Variants in RYK observed in about 807,000 individuals in gnomAD.
RYK encodes the protein inactive tyrosine-protein kinase RYK.
Under a neutral mutation model 70.2 loss-of-function variants are expected in RYK, and 21 were observed. That is an observed-to-expected ratio of 0.30 (90% CI 0.21 to 0.43). RYK has a LOEUF of 0.43. Among genes scored for constraint, RYK ranks in the 20% least tolerant of loss-of-function variants. RYK has a pLI of 1.00. For missense variants in RYK, 604 were observed against 753.3 expected, an observed-to-expected ratio of 0.80 and a Z score of 2.32; for synonymous variants, 267 against 278.0, an observed-to-expected ratio of 0.96 and a Z score of 0.39.
At chr3:134,192,080 G>T in intron 7 of RYK, 106 bp from the exon 8 acceptor site, 2 of 1,078,242 alleles carry the variant, frequency 1.9e-6, no homozygotes, top group Non-Finnish European at 1.3e-6. Context: ...AGGAATGAGT[G>T]TAAGAATCAT....
intron 1 of RYK, among the ~76,000 whole-genome samples, chr3:134,239,512 T>C (rs959751302): frequency 9.9e-5 from 15 of 152,242 alleles, no homozygotes; most frequent in Non-Finnish European, 1.3e-4. Context: ...AATTAACATA[T>C]GTAAACTTCC....
chr3:134,160,133 T>C (rs766424305), intron 13 of RYK, among the ~76,000 whole-genome samples: 2 of 152,162 alleles, frequency 1.3e-5, no homozygotes, highest in Non-Finnish European at 2.9e-5. Context: ...ACAACTGAAC[T>C]TGGATGAGGA....
At chr3:134,206,273 A>G (rs770392676) in intron 5 of RYK, among the ~76,000 whole-genome samples, 2 of 152,180 alleles carry the variant, frequency 1.3e-5, no homozygotes, top group Non-Finnish European at 2.9e-5. Context: ...TTCTTACCAA[A>G]AGAGTTGGTT....
intron 1 of RYK, among the ~76,000 whole-genome samples, chr3:134,225,362 T>C (rs1644745843): frequency 6.6e-6 from 1 of 152,030 alleles, no homozygotes; most frequent in Admixed American, 6.6e-5. Context: ...GGACTCAAGT[T>C]GAAAGGATTT....
At chr3:134,193,549 G>A (rs965267442) in intron 7 of RYK, among the ~76,000 whole-genome samples, 5 of 152,106 alleles carry the variant, frequency 3.3e-5, no homozygotes, top group Admixed American at 2.6e-4. Flanking sequence ...TTGAGGTCAC[G>A]TATAACAATT....
At chr3:134,239,635 TGTAA>T (rs758735443) in intron 1 of RYK, among the ~76,000 whole-genome samples, 16 of 152,330 alleles carry the variant, frequency 1.1e-4, no homozygotes, top group Middle Eastern at 6.8e-3. Context: ...TGAATTTTTT[TGTAA>T]GTATGATTCA....
intron 13 of RYK, among the ~76,000 whole-genome samples, chr3:134,172,474 GAATA>G (rs2012951378): frequency 6.6e-6 from 1 of 152,190 alleles, no homozygotes; most frequent in African/African-American, 2.4e-5. Flanking sequence ...CAGAATTTCT[GAATA>G]AAGATTTGGC....
At chr3:134,213,129 G>A (rs1216588334) in intron 2 of RYK, among the ~76,000 whole-genome samples, 1 of 152,120 alleles carries the variant, frequency 6.6e-6, no homozygotes, top group Non-Finnish European at 1.5e-5. Context: ...TTTGGGCAGG[G>A]AATGAGCAAG....
chr3:134,179,933 T>C (rs1362122049), intron 10 of RYK: 1 of 152,172 alleles, frequency 6.6e-6, no homozygotes, highest in African/African-American at 2.4e-5. Context: ...ACAAACTTCA[T>C]GAAAATGTTT....
At chr3:134,166,239 CA>C (rs769775878) in intron 13 of RYK, among the ~76,000 whole-genome samples, 4 of 152,060 alleles carry the variant, frequency 2.6e-5, no homozygotes, top group South Asian at 4.1e-4. Flanking sequence ...TAAAAGAGAC[CA>C]CCAGAGAGCT....
At chr3:134,221,567 C>G (rs1195525180) in intron 2 of RYK, among the ~76,000 whole-genome samples, 4 of 151,694 alleles carry the variant, frequency 2.6e-5, no homozygotes, top group African/African-American at 9.7e-5. Context: ...CTGTTGTTTT[C>G]TAAGTAGAAA....
chr3:134,193,652 C>T (rs939697889), intron 7 of RYK, among the ~76,000 whole-genome samples: 1 of 152,164 alleles, frequency 6.6e-6, no homozygotes, highest in African/African-American at 2.4e-5. Context: ...TCACATCTAT[C>T]GTATTTCCTA....
chr3:134,180,425 A>G (rs993352490), intron 10 of RYK: 1 of 152,236 alleles, frequency 6.6e-6, no homozygotes, highest in Admixed American at 6.5e-5. Context: ...ATGTTAAAAC[A>G]TGAAGCAAAC....
chr3:134,232,858 G>A (rs1254807547), intron 1 of RYK, among the ~76,000 whole-genome samples: 1 of 152,184 alleles, frequency 6.6e-6, no homozygotes, highest in Non-Finnish European at 1.5e-5. Context: ...AAGGGGATCT[G>A]GAATAGCAGG....
chr3:134,186,581 T>G (rs188564518), intron 9 of RYK, among the ~76,000 whole-genome samples: 16 of 152,320 alleles, frequency 1.1e-4, no homozygotes, highest in Non-Finnish European at 1.9e-4. Flanking sequence ...TCACTGTGCT[T>G]TCTCTTATTT....
At chr3:134,240,399 G>A (rs904159128) in intron 1 of RYK, among the ~76,000 whole-genome samples, 1 of 151,800 alleles carries the variant, frequency 6.6e-6, no homozygotes, top group Non-Finnish European at 1.5e-5. Flanking sequence ...TTTTTGAAAT[G>A]TTCCATAATA....
intron 5 of RYK, among the ~76,000 whole-genome samples, chr3:134,205,779 G>A (rs1194111560): frequency 6.6e-6 from 1 of 152,182 alleles, no homozygotes; most frequent in African/African-American, 2.4e-5. Flanking sequence ...AGCTTGCCAT[G>A]CTATGTTGGT....
intron 13 of RYK, among the ~76,000 whole-genome samples, chr3:134,174,401 A>G (rs1440906768): frequency 6.6e-6 from 1 of 152,250 alleles, no homozygotes; most frequent in Non-Finnish European, 1.5e-5. Flanking sequence ...GTAATACATG[A>G]TTAAAAGATT....
intron 1 of RYK, among the ~76,000 whole-genome samples, chr3:134,249,915 TC>T (rs2015563150): frequency 7.4e-6 from 1 of 134,790 alleles, no homozygotes; most frequent in South Asian, 2.7e-4. Context: ...TCTTTCTCTC[TC>T]GTTTTTTTTT....
Sources: gnomAD v4.1 joint callset for allele counts (sites outside exome capture counted in the v4.1 genomes callset) on GRCh38, gnomAD v4.1.1 for gene constraint, MANE v1.5 for transcripts, NCBI Gene and HGNC (gene_info 2026-07-23, HGNC 2026-07-21) for gene names.